Variants in MROH2A observed in about 807,000 individuals in gnomAD.
MROH2A encodes maestro heat-like repeat-containing protein family member 2A.
A neutral mutation model predicts 200.4 loss-of-function variants in MROH2A; 174 were observed. The observed-to-expected ratio is 0.87, with a 90% confidence interval of 0.77 to 0.98. The LOEUF (loss-of-function observed/expected upper bound fraction) is 0.98. Among genes scored for constraint, MROH2A ranks in the 50% least tolerant of loss-of-function variants. MROH2A has a pLI of 0.00. For missense variants in MROH2A, 2,045 were observed against 2,139.6 expected (o/e 0.96, Z 0.87); for synonymous variants, 829 against 840.4 (o/e 0.99, Z 0.23).
chr2:233,817,943 C>A, intron 27 of MROH2A, 59 bp from the exon 28 acceptor site: 1 of 1,542,132 alleles, frequency 6.5e-7, no homozygotes, highest in South Asian at 1.2e-5. Context: ...TGCCCCTGGG[C>A]AGCCCCAGGT....
intron 19 of MROH2A, among the ~76,000 whole-genome samples, chr2:233,805,424 A>G (rs945476825): frequency 2.6e-5 from 4 of 152,252 alleles, no homozygotes; most frequent in African/African-American, 4.8e-5. Flanking sequence ...CTCAATAAAT[A>G]GAAAGCACCC....
At chr2:233,789,803 G>A (rs775647427) in intron 4 of MROH2A, 49 bp from the exon 5 acceptor site, 21 of 1,517,848 alleles carry the variant, frequency 1.4e-5, no homozygotes, top group Non-Finnish European at 1.8e-5. Flanking sequence ...GGTTTTCCTG[G>A]AGGCCCGGCT....
chr2:233,819,810 C>A, intron 30 of MROH2A, 92 bp from the exon 31 acceptor site: 1 of 1,366,104 alleles, frequency 7.3e-7, no homozygotes, highest in Non-Finnish European at 9.7e-7. Context: ...CCAACTGGGC[C>A]AGAGCCCTTA....
intron 3 of MROH2A, 40 bp from the exon 4 acceptor site, chr2:233,789,457 C>A (rs1255778981): frequency 3.0e-6 from 4 of 1,348,980 alleles, no homozygotes; most frequent in Non-Finnish European, 3.8e-6. Context: ...GTGCTGGGGG[C>A]AGGGTGAGGT....
At chr2:233,783,041 C>T (rs984938680) in intron 3 of MROH2A, among the ~76,000 whole-genome samples, 1 of 152,100 alleles carries the variant, frequency 6.6e-6, no homozygotes, top group Non-Finnish European at 1.5e-5. Context: ...TGTATTGGAC[C>T]ATCCTTACAT....
intron 3 of MROH2A, among the ~76,000 whole-genome samples, chr2:233,787,406 AACACACACACAC>A (rs149271880): frequency 0.13 from 16,882 of 127,144 alleles, 1,617 homozygotes; most frequent in East Asian, 0.2. Flanking sequence ...GGATATGTAT[AACACACACACAC>A]ACACACACAC....
At chr2:233,789,289 T>TA (rs1451557980) in intron 3 of MROH2A, among the ~76,000 whole-genome samples, 1 of 152,124 alleles carries the variant, frequency 6.6e-6, no homozygotes, top group Non-Finnish European at 1.5e-5. Context: ...GGAATACAGA[T>TA]ACGCAAGTCA....
intron 26 of MROH2A, among the ~76,000 whole-genome samples, chr2:233,816,505 G>A (rs947331951): frequency 3.9e-5 from 6 of 152,186 alleles, no homozygotes; most frequent in Admixed American, 2.0e-4. Context: ...GGGGCCATCT[G>A]GAGTGCAGGG....
At chr2:233,781,015 CA>C (rs1386561738) in intron 3 of MROH2A, among the ~76,000 whole-genome samples, 1 of 152,216 alleles carries the variant, frequency 6.6e-6, no homozygotes, top group Non-Finnish European at 1.5e-5. Context: ...TGACTCATTT[CA>C]CTTGACATAA....
At chr2:233,791,881 AG>A (rs543345360) in intron 5 of MROH2A, among the ~76,000 whole-genome samples, 70 of 152,194 alleles carry the variant, frequency 4.6e-4, no homozygotes, top group African/African-American at 1.5e-3. Flanking sequence ...GCCTGGAAAG[AG>A]GACAAGGGAC....
At position 233,809,294 on chromosome 2, in the gene MROH2A, G is replaced by T. The variant is rs1703001952; in HGVS notation, c.2448+16G>T. The T allele has an allele frequency of 6.5e-7, 1 of 1,547,484 alleles. No homozygotes were observed. The highest frequency in any genetic ancestry group is 1.7e-4 in the Middle Eastern group (1 of 5,980). The stretch of plus-strand genomic sequence containing the variant: ...CAGCTGCCAGGTAGCCCCATCTGCT[G>T]CCTGGGGGGATGTCTTCTGGACCAG... On this transcript the variant is annotated intron_variant, in intron 22 of 41. Transcript: ENST00000389758.
At chr2:233,781,249 C>G (rs1700942246) in intron 3 of MROH2A, among the ~76,000 whole-genome samples, 1 of 152,142 alleles carries the variant, frequency 6.6e-6, no homozygotes, top group South Asian at 2.1e-4. Flanking sequence ...TGGATACACA[C>G]CCAGTAGTAG....
intron 3 of MROH2A, among the ~76,000 whole-genome samples, chr2:233,788,092 AT>A (rs1701468354): frequency 1.1e-5 from 1 of 94,088 alleles, no homozygotes; most frequent in Non-Finnish European, 1.9e-5. Flanking sequence ...TTATATATAC[AT>A]ATATTATATA....
chr2:233,797,605 C>CA (rs1702200657), intron 11 of MROH2A, among the ~76,000 whole-genome samples: 1 of 152,158 alleles, frequency 6.6e-6, no homozygotes, highest in African/African-American at 2.4e-5. Flanking sequence ...TTCATTTATG[C>CA]ATAAACAGGT....
At chr2:233,819,190 C>A in intron 29 of MROH2A, 127 bp from the exon 30 acceptor site, 1 of 982,146 alleles carries the variant, frequency 1.0e-6, no homozygotes, top group Non-Finnish European at 1.5e-6. Flanking sequence ...CAGGAGGAGG[C>A]CATGGCCATG....
At position 233,781,675 on chromosome 2, in the gene MROH2A, C is replaced by T. The variant is rs551296403; in HGVS notation, c.276+1823C>T. 3.3e-5 allele frequency among the ~76,000 whole-genome samples: 5 copies of T among 152,234 alleles called. No individual in the cohort carries two copies. The South Asian group carries it at 1.0e-3, about 32-fold the overall frequency. Reference sequence around the variant, plus strand: ...GATATTCTCCTATTCTGTGGGTTGTCTCTTCGCTTTGTTCACTGTTTCCTT... The same window carrying T: ...GATATTCTCCTATTCTGTGGGTTGTTTCTTCGCTTTGTTCACTGTTTCCTT... On this transcript the variant is annotated intron_variant, in intron 3 of 41. Transcript: ENST00000389758.
rs28900691 is a variant in MROH2A, at chr2:233,823,446, G to A, written c.4005-110G>A. ...AGAGATGTTACGACATCTTTCCGGG[G>A]TTATCTTGCCACCAGGGTCCAGGCA... On this transcript the variant is annotated intron_variant, in intron 34 of 41. Transcript: ENST00000389758. The A allele has an allele frequency of 6.9e-3, 9,260 of 1,340,348 alleles. 478 individuals carry two copies. The African/African-American group carries it at 0.12, about 17-fold the overall frequency. The allele number at this position is 1,340,348 out of a possible 1,614,324, so 83.0% of individuals were successfully genotyped here. A position where few individuals can be genotyped will look rare whatever the true frequency, so the allele number is the denominator to read the frequency against.
Position 233,795,758 on chromosome 2 carries a change from A to G in MROH2A, c.1059+13A>G. ...ACTGCACGTCCAGGTGAGGCCAGCAAGCTCAGCTGGACAAGGGCATTCTCT... is the reference window on the plus strand; with the variant it reads ...ACTGCACGTCCAGGTGAGGCCAGCAGGCTCAGCTGGACAAGGGCATTCTCT... On this transcript the variant is annotated intron_variant, in intron 9 of 41. Coordinates refer to ENST00000389758, the MANE Select transcript of MROH2A (RefSeq NM_001394639.1). 1 of 1,550,964 alleles carries G rather than the reference A, an allele frequency of 6.4e-7. No individual in the cohort carries two copies. The highest frequency in any genetic ancestry group is 8.7e-7 in the Non-Finnish European group (1 of 1,147,060).
At chr2:233,811,570 C>T (rs189162064) in intron 23 of MROH2A, among the ~76,000 whole-genome samples, 3 of 152,346 alleles carry the variant, frequency 2.0e-5, no homozygotes, top group African/African-American at 7.2e-5. Flanking sequence ...TGGAGCAGCC[C>T]TGTAAAATGG....
Sources: allele counts gnomAD v4.1 joint callset (sites outside exome capture counted in the v4.1 genomes callset), GRCh38; gene constraint gnomAD v4.1.1; transcripts MANE v1.5; gene names NCBI Gene and HGNC (gene_info 2026-07-23, HGNC 2026-07-21).